KLF13: variants seen among roughly 807,000 people sequenced by gnomAD.
KLF13 encodes the protein KLF transcription factor 13, also known as Krueppel-like factor 13.
Under a neutral mutation model 16.7 loss-of-function variants are expected in KLF13, and 8 were observed. The ratio of observed to expected loss-of-function variants is 0.48; its 90% CI spans 0.28 to 0.87. The LOEUF (loss-of-function observed/expected upper bound fraction) is 0.87, where lower values mean the gene tolerates loss of function less well. KLF13 is among the 40% of genes least tolerant of loss of function. The probability of loss-of-function intolerance (pLI) is 0.10; values close to 1 mark genes in which losing one functional copy is unlikely to be tolerated. For synonymous variants in KLF13, 245 were observed against 208.4 expected (o/e 1.18, Z -1.51); for missense variants, 447 against 452.2 (o/e 0.99, Z 0.10).
chr15:31,327,767 G>T lies in KLF13; in HGVS notation c.555G>T (p.Lys185Asn). The change falls in exon 1 of 2, where the codon AAG (lysine) becomes AAT (asparagine). Residue 185 changes from lysine (K) to asparagine (N), a missense_variant. Physicochemically the swap from Lys to Asn is moderately conservative, Grantham distance 94 (BLOSUM62 0). This residue lies in a region of KLF13 where 359 missense variants were observed against 282.8 expected (regional missense o/e 1.27). Transcript: ENST00000307145. ...EKVYGKSSHL[K>N]AHLRTHTGER... ...TTTACGGGAAATCTTCGCACCTCAA[G>T]GCGCACCTGAGAACTCACACAGGTC... 4 of 1,530,518 alleles carry T rather than the reference G, an allele frequency of 2.6e-6. No individual in the cohort carries two copies. The highest frequency in any genetic ancestry group is 3.5e-6 in the Non-Finnish European group (4 of 1,134,370). The allele number at this position is 1,530,518 out of a possible 1,614,324, so 94.8% of individuals were successfully genotyped here.
chr15:31,369,229 C>T (rs2039520366), intron 1 of KLF13, among the ~76,000 whole-genome samples: 1 of 152,196 alleles, frequency 6.6e-6, no homozygotes, highest in Admixed American at 6.5e-5. Context: ...CTCTGCTGGG[C>T]CCACAGGTCA....
rs2038722595 is a variant in KLF13, at chr15:31,327,114, C to T, written c.-99C>T. The stretch of plus-strand genomic sequence containing the variant: ...CAGCCCAGCCCGAGGAGAGGGCGCG[C>T]CGCGCCCCCGCCCCCCGCCCGCTCT... On this transcript the variant is annotated 5_prime_UTR_variant, in exon 1 of 2. Transcript: ENST00000307145. The T allele has an allele frequency of 1.3e-6, 1 of 790,466 alleles. No homozygotes were observed. The highest frequency in any genetic ancestry group is 1.6e-6 in the Non-Finnish European group (1 of 634,308). 49.0% of individuals were successfully genotyped at this position (790,466 alleles called of 1,614,324 possible). A position where few individuals can be genotyped will look rare whatever the true frequency, so the allele number is the denominator to read the frequency against.
intron 1 of KLF13, among the ~76,000 whole-genome samples, chr15:31,336,589 A>G (rs146514520): frequency 1.6e-4 from 24 of 152,336 alleles, no homozygotes; most frequent in African/African-American, 5.8e-4. Flanking sequence ...AAGAAAAATA[A>G]TACAGGGAAC....
chr15:31,392,211 A>C (rs2039881691), upstream of KLF13, among the ~76,000 whole-genome samples: 1 of 152,204 alleles, frequency 6.6e-6, no homozygotes. Flanking sequence ...CTCAGATGAC[A>C]CAAGGATGAT....
At chr15:31,404,952 C>T (rs1291606997), downstream of KLF13, among the ~76,000 whole-genome samples, 1 of 152,126 alleles carries the variant, frequency 6.6e-6, no homozygotes, top group Non-Finnish European at 1.5e-5. Context: ...TGCTCTAATC[C>T]CAGGCTCCAC....
chr15:31,419,166 G>A (rs2040291067), intron 1 of KLF13, among the ~76,000 whole-genome samples: 1 of 152,120 alleles, frequency 6.6e-6, no homozygotes, highest in Non-Finnish European at 1.5e-5. Flanking sequence ...GGTGACTAGT[G>A]AAGATCATTC....
chr15:31,434,513 G>A (rs2040507402), intron 1 of KLF13, among the ~76,000 whole-genome samples: 1 of 152,154 alleles, frequency 6.6e-6, no homozygotes, highest in South Asian at 2.1e-4. Flanking sequence ...AGCAGGAGAG[G>A]CTGTGGATGG....
intron 1 of KLF13, among the ~76,000 whole-genome samples, chr15:31,359,200 G>A (rs2039344771): frequency 1.3e-5 from 2 of 152,170 alleles, no homozygotes; most frequent in South Asian, 2.1e-4. Flanking sequence ...GTTGTGACTC[G>A]GGTGTGCGTG....
Position 31,412,981 on chromosome 15 carries a change from A to T in KLF13, n.117+19290A>T, listed in dbSNP as rs540635276. On this transcript the variant is annotated intron_variant and non_coding_transcript_variant, in intron 1 of 1. Transcript: ENST00000558225. ...GGGAAAAATATGAAGCTTAGACCTCAGAAACGGTTCCTTCAAAGGAATCAC... is the reference window on the plus strand; with the variant it reads ...GGGAAAAATATGAAGCTTAGACCTCTGAAACGGTTCCTTCAAAGGAATCAC... Among the ~76,000 whole-genome samples the T allele has an allele frequency of 4.9e-4, 75 of 152,354 alleles. No individual in the cohort carries two copies. The South Asian group carries it at 8.1e-3, about 16-fold the overall frequency.
Position 31,372,149 on chromosome 15 carries a change from C to T in KLF13, c.717C>T (p.Ser239=), listed in dbSNP as rs199626018. The T allele has an allele frequency of 1.5e-4, 236 of 1,612,936 alleles. 5 individuals carry two copies. The South Asian group carries it at 2.3e-3, about 16-fold the overall frequency. The change falls in exon 2 of 2, where the codon AGC becomes AGT. Residue 239 remains serine (S), a synonymous_variant. Coordinates refer to ENST00000307145, the MANE Select transcript of KLF13 (RefSeq NM_015995.4). ...CPICEKRFMR[S]DHLTKHARRH... is the part of the protein sequence containing the mutation. ...TCTGCGAGAAGCGCTTCATGCGCAG[C>T]GACCACCTGACCAAGCACGCGCGCC...
At chr15:31,333,021 T>C (rs952161171) in intron 1 of KLF13, among the ~76,000 whole-genome samples, 7 of 152,052 alleles carry the variant, frequency 4.6e-5, no homozygotes. Context: ...CAGTTTGTGC[T>C]TTCAGGAAGC....
chr15:31,413,187 C>CAAAAAAAAAA lies in KLF13; in HGVS notation n.117+19502_117+19511dup, dbSNP rs1161762538. 4.0e-3 allele frequency among the ~76,000 whole-genome samples: 255 copies of CAAAAAAAAAA among 63,158 alleles called. 5 individuals carry two copies. The highest frequency in any genetic ancestry group is 0.012 in the East Asian group (24 of 2,028). 41.4% of individuals were successfully genotyped at this position (63,158 alleles called of 152,430 possible). On this transcript the variant is annotated intron_variant and non_coding_transcript_variant, in intron 1 of 1. Coordinates refer to the KLF13 transcript ENST00000558225. ...GAAGAACAGAGAGAAAATGAATAGACAAAAAAAAAAAAAAACAAAAAACAA... is the reference window on the plus strand; with the variant it reads ...GAAGAACAGAGAGAAAATGAATAGACAAAAAAAAAAAAAAAAAAAAAAAAACAAAAAACAA...
chr15:31,414,681 T>C (rs1448685985), intron 1 of KLF13, among the ~76,000 whole-genome samples: 2 of 152,094 alleles, frequency 1.3e-5, no homozygotes, highest in Non-Finnish European at 2.9e-5. Context: ...ATACCAATTA[T>C]AAATATATAT....
At chr15:31,328,086 G>A (rs919625258) in intron 1 of KLF13, among the ~76,000 whole-genome samples, 9 of 142,872 alleles carry the variant, frequency 6.3e-5, no homozygotes, top group Admixed American at 5.5e-4. Context: ...TGGGCTGGGG[G>A]CGGGGACCCC....
chr15:31,343,688 G>T (rs1438986820), intron 1 of KLF13, among the ~76,000 whole-genome samples: 3 of 152,150 alleles, frequency 2.0e-5, no homozygotes, highest in Non-Finnish European at 4.4e-5. Flanking sequence ...TACTTAAACT[G>T]CCTGTTGTTG....
chr15:31,369,596 C>G (rs957038592), intron 1 of KLF13, among the ~76,000 whole-genome samples: 8 of 151,986 alleles, frequency 5.3e-5, no homozygotes, highest in African/African-American at 1.9e-4. Flanking sequence ...TGAAGTTTAC[C>G]CAGCCTTTTG....
intron 1 of KLF13, among the ~76,000 whole-genome samples, chr15:31,366,761 TCG>T: frequency 7.3e-4 from 1 of 1,376 alleles, no homozygotes; most frequent in Non-Finnish European, 2.0e-3. Context: ...CTCACTGTAC[TCG>T]GCTGCACGCA....
intron 1 of KLF13, among the ~76,000 whole-genome samples, chr15:31,425,384 C>A (rs949970107): frequency 2.0e-5 from 3 of 152,182 alleles, no homozygotes; most frequent in African/African-American, 7.2e-5. Flanking sequence ...ATTCAAAATA[C>A]TACTCTGACA....
At chr15:31,350,361 T>G (rs1166290538) in intron 1 of KLF13, among the ~76,000 whole-genome samples, 1 of 152,226 alleles carries the variant, frequency 6.6e-6, no homozygotes, top group African/African-American at 2.4e-5. Flanking sequence ...AGCTCTCTTC[T>G]GCCAGGGCCT....
Sources: gnomAD v4.1 joint callset for allele counts (sites outside exome capture counted in the v4.1 genomes callset) on GRCh38, gnomAD v4.1.1 for gene constraint, gnomAD v4.1.1 regional missense constraint, MANE v1.5 for transcripts, NCBI Gene and HGNC (gene_info 2026-07-23, HGNC 2026-07-21) for gene names.